Variants in MGAT4C observed in about 807,000 individuals in gnomAD.
MGAT4C encodes MGAT4 family member C.
MGAT4C carries 19 observed loss-of-function variants against 40.1 expected under a neutral mutation model. That is an observed-to-expected ratio of 0.47 (90% CI 0.33 to 0.70). The LOEUF (loss-of-function observed/expected upper bound fraction) is 0.70, where lower values mean the gene tolerates loss of function less well. MGAT4C is among the 30% of genes least tolerant of loss of function. MGAT4C has a pLI of 0.02. For missense variants in MGAT4C, 491 were observed against 563.2 expected (o/e 0.87, Z 1.30); for synonymous variants, 181 against 187.1 (o/e 0.97, Z 0.27).
rs151059530 is a variant in MGAT4C, at chr12:86,548,493, C to T, written c.-228-113228G>A. 3.9e-5 allele frequency among the ~76,000 whole-genome samples: 6 copies of T among 152,202 alleles called. No individual in the cohort carries two copies. In the East Asian group the frequency reaches 1.2e-3, roughly 29 times the overall value. On this transcript the variant is annotated intron_variant, in intron 2 of 7. Transcript: ENST00000548651. ...AATTCCCAATTTGCTTTAGCAAATTCCCGTTTACGCAGGCTTGGATACACG... is the reference window on the plus strand; with the variant it reads ...AATTCCCAATTTGCTTTAGCAAATTTCCGTTTACGCAGGCTTGGATACACG...
chr12:86,446,677 A>ATG (rs1171091291), intron 2 of MGAT4C, among the ~76,000 whole-genome samples: 1 of 116,364 alleles, frequency 8.6e-6, no homozygotes, highest in Non-Finnish European at 1.8e-5. Context: ...ATATATATAT[A>ATG]TATATATATA....
intron 2 of MGAT4C, chr12:86,027,969 T>A (rs1028034849): frequency 3.4e-6 from 1 of 292,728 alleles, no homozygotes; most frequent in African/African-American, 2.2e-5. Context: ...ACCAACATAA[T>A]ATTGTATTTT....
intron 4 of MGAT4C, among the ~76,000 whole-genome samples, chr12:86,289,915 T>C (rs1953463013): frequency 6.6e-6 from 1 of 152,212 alleles, no homozygotes; most frequent in African/African-American, 2.4e-5. Flanking sequence ...TAATAAAATG[T>C]GGACTTACAG....
At chr12:86,659,136 C>T (rs189979734) in intron 2 of MGAT4C, among the ~76,000 whole-genome samples, 9 of 152,116 alleles carry the variant, frequency 5.9e-5, no homozygotes, top group Non-Finnish European at 1.0e-4. Flanking sequence ...ACAGCAGATA[C>T]GCTTCCTCTA....
intron 2 of MGAT4C, among the ~76,000 whole-genome samples, chr12:86,643,366 A>G (rs547902775): frequency 2.2e-4 from 33 of 151,994 alleles, no homozygotes; most frequent in Admixed American, 1.4e-3. Flanking sequence ...AATTGAAAAC[A>G]TATGCAAACA....
intron 1 of MGAT4C, among the ~76,000 whole-genome samples, chr12:86,163,694 A>G (rs1566075082): frequency 6.6e-6 from 1 of 152,236 alleles, no homozygotes; most frequent in African/African-American, 2.4e-5. Context: ...AATAAAAAAT[A>G]CAACTTTATG....
chr12:85,957,657 C>CAAAAAAAAAAAAAAAAAAAAA lies in MGAT4C; in HGVS notation c.*21631_*21632insTTTTTTTTTTTTTTTTTTTTT, dbSNP rs5799763. ...TTTACTGTAGAGTTGAATAAGAAAG[C>CAAAAAAAAAAAAAAAAAAAAA]AAAAAAAAAAAAAAAAGAAAAAAGA... On this transcript the variant is annotated 3_prime_UTR_variant, in exon 5 of 5. Coordinates refer to ENST00000611864, the MANE Select transcript of MGAT4C (RefSeq NM_001351288.2). The CAAAAAAAAAAAAAAAAAAAAA allele has an allele frequency of 7.9e-5, 8 of 101,294 alleles. No homozygotes were observed. The highest frequency in any genetic ancestry group is 1.2e-4 in the African/African-American group (3 of 24,740). The allele number at this position is 101,294 out of a possible 1,614,324, so 6.3% of individuals were successfully genotyped here. A position where few individuals can be genotyped will look rare whatever the true frequency, so the allele number is the denominator to read the frequency against.
chr12:86,060,382 G>A (rs186036513), intron 1 of MGAT4C, among the ~76,000 whole-genome samples: 1 of 152,028 alleles, frequency 6.6e-6, no homozygotes, highest in African/African-American at 2.4e-5. Context: ...GGCTTCCACA[G>A]TTTAAAATAT....
At chr12:86,766,930 T>C (rs1951521146) in intron 1 of MGAT4C, among the ~76,000 whole-genome samples, 2 of 150,942 alleles carry the variant, frequency 1.3e-5, no homozygotes, top group African/African-American at 2.4e-5. Context: ...AGATAGAAAA[T>C]TGACACCCTA....
chr12:86,356,491 C>T lies in MGAT4C; in HGVS notation c.-119-22364G>A, dbSNP rs60351267. On this transcript the variant is annotated intron_variant, in intron 3 of 7. Transcript: ENST00000548651. ...GGGGCTTGTTGGACACTGGGTGCAGCGCACGGAGCATGAGACAAAGCAGGG... is the reference window on the plus strand; with the variant it reads ...GGGGCTTGTTGGACACTGGGTGCAGTGCACGGAGCATGAGACAAAGCAGGG... Among the ~76,000 whole-genome samples the T allele has an allele frequency of 3.4e-3, 517 of 152,168 alleles. 2 individuals carry two copies. Among genetic ancestry groups the T allele is most frequent in the African/African-American group, 0.012 (489 of 41,502 alleles).
intron 2 of MGAT4C, among the ~76,000 whole-genome samples, chr12:86,584,196 G>A (rs564476936): frequency 1.3e-5 from 2 of 150,728 alleles, no homozygotes; most frequent in Non-Finnish European, 1.5e-5. Context: ...ACACAAATGA[G>A]AGATACAGAA....
At position 86,731,068 on chromosome 12, in the gene MGAT4C, CT is replaced by C. The variant is rs528415836; in HGVS notation, c.-261-3828del. On this transcript the variant is annotated intron_variant, in intron 1 of 7. Coordinates refer to the MGAT4C transcript ENST00000548651. ...AGATTATCTGATTCCAGTGGCTGTT[CT>C]TTTGATTCCTGTGTAGATGTCAAAA... is the stretch of plus-strand genomic sequence containing the variant. Among the ~76,000 whole-genome samples the C allele has an allele frequency of 1.8e-3, 269 of 152,176 alleles. 1 individual carries two copies. The highest frequency in any genetic ancestry group is 6.2e-3 in the African/African-American group (258 of 41,540).
intron 2 of MGAT4C, among the ~76,000 whole-genome samples, chr12:86,540,492 C>T (rs898958812): frequency 6.6e-6 from 1 of 152,200 alleles, no homozygotes; most frequent in African/African-American, 2.4e-5. Flanking sequence ...AATTCCAGCA[C>T]TTTGTGAGGC....
intron 2 of MGAT4C, among the ~76,000 whole-genome samples, chr12:86,567,591 A>T (rs1317794038): frequency 6.6e-6 from 1 of 152,160 alleles, no homozygotes; most frequent in Non-Finnish European, 1.5e-5. Flanking sequence ...AGCCCACTCC[A>T]GGCAGGACTA....
intron 1 of MGAT4C, among the ~76,000 whole-genome samples, chr12:86,743,804 C>G (rs1444661802): frequency 1.3e-5 from 2 of 151,588 alleles, no homozygotes; most frequent in Admixed American, 6.6e-5. Flanking sequence ...TGAAATTTGA[C>G]AGCTGTAAAA....
At chr12:86,758,460 T>C (rs924264694) in intron 1 of MGAT4C, among the ~76,000 whole-genome samples, 1 of 151,886 alleles carries the variant, frequency 6.6e-6, no homozygotes, top group Non-Finnish European at 1.5e-5. Context: ...TATTACTGCA[T>C]GTTTTTATTA....
chr12:86,470,115 A>G (rs961541769), intron 2 of MGAT4C, among the ~76,000 whole-genome samples: 1 of 152,146 alleles, frequency 6.6e-6, no homozygotes, highest in Non-Finnish European at 1.5e-5. Flanking sequence ...ATTGCAAAAT[A>G]TCTAAATTAT....
At chr12:86,812,530 T>C (rs1458936932) in intron 1 of MGAT4C, among the ~76,000 whole-genome samples, 1 of 152,254 alleles carries the variant, frequency 6.6e-6, no homozygotes, top group East Asian at 1.9e-4. Flanking sequence ...TAAATGGATC[T>C]TCTGTCATTA....
intron 2 of MGAT4C, among the ~76,000 whole-genome samples, chr12:86,683,207 A>C (rs914807788): frequency 6.6e-6 from 1 of 152,174 alleles, no homozygotes; most frequent in Admixed American, 6.6e-5. Context: ...TAAAAATATG[A>C]AGAAACGGAA....
Sources: allele counts gnomAD v4.1 joint callset (sites outside exome capture counted in the v4.1 genomes callset), GRCh38; gene constraint gnomAD v4.1.1; transcripts MANE v1.5; gene names NCBI Gene and HGNC (gene_info 2026-07-23, HGNC 2026-07-21).